The following CNNM3 variants were observed in gnomAD, a reference collection of about 807,000 sequenced individuals.
CNNM3 encodes cyclin and CBS domain divalent metal cation transport mediator 3, also known as metal transporter CNNM3.
Under a neutral mutation model 57.1 loss-of-function variants are expected in CNNM3, and 47 were observed. The ratio of observed to expected loss-of-function variants is 0.82; its 90% CI spans 0.65 to 1.05. The LOEUF is 1.05. Among genes scored for constraint, CNNM3 ranks in the 50% least tolerant of loss-of-function variants. The probability of loss-of-function intolerance (pLI) is 0.00; values close to 1 mark genes in which losing one functional copy is unlikely to be tolerated. For missense variants in CNNM3, 957 were observed against 973.7 expected (o/e 0.98, Z 0.23); for synonymous variants, 507 against 478.2 (o/e 1.06, Z -0.79).
intron 1 of CNNM3, among the ~76,000 whole-genome samples, chr2:96,819,212 G>T (rs758068183): frequency 6.6e-6 from 1 of 152,176 alleles, no homozygotes; most frequent in Non-Finnish European, 1.5e-5. Context: ...ACAGAGCCTC[G>T]CGGTGGTAAG....
In CNNM3 at chr2:96,833,886, G is replaced by C. The variant is rs2079646251; in HGVS notation, c.*1270G>C. The C allele has an allele frequency of 6.6e-6, 1 of 152,238 alleles. No individual in the cohort carries two copies. The highest frequency in any genetic ancestry group is 1.5e-5 in the Non-Finnish European group (1 of 68,052). The allele number at this position is 152,238 out of a possible 1,614,324, so 9.4% of individuals were successfully genotyped here. A position where few individuals can be genotyped will look rare whatever the true frequency, so the allele number is the denominator to read the frequency against. ...TGAGAGCAAGCCCGGGTTGGAAACA[G>C]ATGCTTTAAAATCCTCTCTCCAGAA... On this transcript the variant is annotated 3_prime_UTR_variant, in exon 8 of 8. Transcript: ENST00000305510.
At chr2:96,821,869 T>C (rs2079411730) in intron 1 of CNNM3, among the ~76,000 whole-genome samples, 1 of 152,222 alleles carries the variant, frequency 6.6e-6, no homozygotes, top group Non-Finnish European at 1.5e-5. Flanking sequence ...GAAAACAGAA[T>C]GGTTATATGT....
chr2:96,828,737 C>A, intron 6 of CNNM3, 37 bp downstream of exon 6: 1 of 1,612,312 alleles, frequency 6.2e-7, no homozygotes, highest in Non-Finnish European at 8.5e-7. Flanking sequence ...CTGGCTTTAG[C>A]CGACTTTGTG....
At chr2:96,831,406 A>C (rs2079600597) in intron 7 of CNNM3, among the ~76,000 whole-genome samples, 1 of 152,230 alleles carries the variant, frequency 6.6e-6, no homozygotes, top group African/African-American at 2.4e-5. Context: ...CTAGACGCCC[A>C]GCAGAGAAGT....
At position 96,826,889 on chromosome 2, in the gene CNNM3, G is replaced by A. The variant is rs2153355176; in HGVS notation, c.1426G>A (p.Glu476Lys). 1.2e-6 allele frequency: 2 copies of A among 1,614,226 alleles called. No homozygotes were observed. The highest frequency in any genetic ancestry group is 4.5e-5 in the East Asian group (2 of 44,884). ...ASLMAPLKRK[E>K]EFSLFKVSDD... ...TCTGATGGCCCCTCTGAAGCGGAAG[G>A]AGGAGTTCTCCTTGTTCAAGGTGTC... Residue 476 changes from glutamate to lysine, a missense_variant, in exon 3 of 8, where the codon GAG becomes AAG. Coordinates refer to ENST00000305510, the MANE Select transcript of CNNM3 (RefSeq NM_017623.5).
intron 6 of CNNM3, 74 bp downstream of exon 6, chr2:96,828,774 G>T (rs1395748199): frequency 6.3e-7 from 1 of 1,588,154 alleles, no homozygotes; most frequent in East Asian, 2.2e-5. Context: ...CAGCTGGTCT[G>T]AGACTGCCCG....
intron 1 of CNNM3, 42 bp downstream of exon 1, chr2:96,817,544 C>A: frequency 1.9e-6 from 3 of 1,558,138 alleles, no homozygotes; most frequent in Non-Finnish European, 2.6e-6. Context: ...CGTGCGAGTG[C>A]CCTCTCCCTG....
chr2:96,832,190 G>A (rs548763477), intron 7 of CNNM3: 27 of 1,030,298 alleles, frequency 2.6e-5, no homozygotes, highest in Admixed American at 5.5e-5. Context: ...TGGGGTGGGC[G>A]CTCCCTTCCA....
In CNNM3 at chr2:96,816,547, G is replaced by T. The variant is rs956425092; in HGVS notation, c.270G>T (p.Ala90=). Residue 90 remains alanine, a synonymous_variant, in exon 1 of 8, where the codon GCG becomes GCT. Coordinates refer to ENST00000305510, the MANE Select transcript of CNNM3 (RefSeq NM_017623.5). The part of the protein sequence containing the change: ...APEGAGCREE[A]ASPAGEWRAL... ...AGGGGGCGGGCTGCCGGGAGGAGGC[G>T]GCCTCCCCCGCGGGCGAGTGGCGCG... is the stretch of plus-strand genomic sequence containing the variant. 4 of 1,329,814 alleles carry T rather than the reference G, an allele frequency of 3.0e-6. No individual in the cohort carries two copies. The highest frequency in any genetic ancestry group is 3.8e-6 in the Non-Finnish European group (4 of 1,042,844). 82.4% of individuals were successfully genotyped at this position (1,329,814 alleles called of 1,614,324 possible).
At chr2:96,835,521 T>A (rs1177208056), downstream of CNNM3, among the ~76,000 whole-genome samples, 11 of 150,304 alleles carry the variant, frequency 7.3e-5, no homozygotes, top group Non-Finnish European at 1.6e-4. Context: ...CAGGCTGGAG[T>A]GCAGTGGCGC....
chr2:96,836,366 C>T (rs916232079), downstream of CNNM3, among the ~76,000 whole-genome samples: 3 of 151,898 alleles, frequency 2.0e-5, no homozygotes, highest in East Asian at 1.9e-4. Context: ...CTCAGCCTCC[C>T]GAGTAGCTGG....
intron 1 of CNNM3, among the ~76,000 whole-genome samples, chr2:96,822,118 T>A (rs1267511610): frequency 6.6e-6 from 1 of 151,968 alleles, no homozygotes; most frequent in East Asian, 1.9e-4. Context: ...TTCTTCTGCC[T>A]CAGCCTCCTG....
chr2:96,831,074 G>A (rs1244968035), intron 7 of CNNM3, among the ~76,000 whole-genome samples: 1 of 152,176 alleles, frequency 6.6e-6, no homozygotes, highest in African/African-American at 2.4e-5. Context: ...CTGCACACCC[G>A]GAGATTTTTA....
At position 96,828,983 on chromosome 2, in the gene CNNM3, T is replaced by C; in HGVS notation, c.1921-13T>C. ...TTCACCAATTGGGTCCCAGTAACGC[T>C]GTCATCCTCCAGGTTACGCGACTGC... is the stretch of plus-strand genomic sequence containing the variant. On this transcript the variant is annotated splice_polypyrimidine_tract_variant and intron_variant, in intron 6 of 7. Transcript: ENST00000305510. 1 of 1,612,996 alleles carries C rather than the reference T, an allele frequency of 6.2e-7. No homozygotes were observed. The highest frequency in any genetic ancestry group is 8.5e-7 in the Non-Finnish European group (1 of 1,179,106).
chr2:96,828,948 T>A, intron 6 of CNNM3, 48 bp from the exon 7 acceptor site: 1 of 1,603,392 alleles, frequency 6.2e-7, no homozygotes, highest in Non-Finnish European at 8.5e-7. Flanking sequence ...GCCTACCTTC[T>A]GCATCTCGCT....
chr2:96,817,062 C>T lies in CNNM3; in HGVS notation c.785C>T (p.Ala262Val). ...APRALGLSRLAVLLTLPVALP... is the reference protein window; with the variant it reads ...APRALGLSRLVVLLTLPVALP... The stretch of plus-strand genomic sequence containing the variant: ...CGAGCGCTCGGCCTCAGCCGCCTGG[C>T]CGTCCTGCTCACTCTGCCCGTCGCG... Residue 262 changes from alanine to valine, a missense_variant, in exon 1 of 8, where the codon GCC (alanine) becomes GTC (valine). By Grantham distance (64) the Ala-to-Val change is moderately conservative. Transcript: ENST00000305510. 29 of 1,353,882 alleles carry T rather than the reference C, an allele frequency of 2.1e-5. No homozygotes were observed. Among genetic ancestry groups the T allele is most frequent in the Non-Finnish European group, 2.7e-5 (29 of 1,054,958 alleles). 83.9% of individuals were successfully genotyped at this position (1,353,882 alleles called of 1,614,324 possible). A position where few individuals can be genotyped will look rare whatever the true frequency, so the allele number is the denominator to read the frequency against.
Position 96,833,494 on chromosome 2 carries a change from G to T in CNNM3, c.*878G>T. On this transcript the variant is annotated 3_prime_UTR_variant, in exon 8 of 8. Transcript: ENST00000305510. ...CTCCCTGCAGGTGCTGTGTGGCCGT[G>T]ATGTGCAGAGAGCAGTGAGGGAGGG... is the stretch of plus-strand genomic sequence containing the variant. The T allele has an allele frequency of 6.1e-6, 1 of 163,862 alleles. No homozygotes were observed. The allele number at this position is 163,862 out of a possible 1,614,324, so 10.2% of individuals were successfully genotyped here.
At chr2:96,826,521 A>G (rs183115122) in intron 2 of CNNM3, among the ~76,000 whole-genome samples, 1 of 152,176 alleles carries the variant, frequency 6.6e-6, no homozygotes, top group East Asian at 1.9e-4. Context: ...GCCTAAATTT[A>G]AAAAAGTTTT....
In CNNM3 at chr2:96,834,786, A is replaced by G. The variant is rs961119231; in HGVS notation, c.*2170A>G. Among the ~76,000 whole-genome samples the G allele has an allele frequency of 3.3e-5, 5 of 152,094 alleles. No homozygotes were observed. Among genetic ancestry groups the G allele is most frequent in the Non-Finnish European group, 2.9e-5 (2 of 68,018 alleles). On this transcript the variant is annotated 3_prime_UTR_variant, in exon 8 of 8. Coordinates refer to ENST00000305510, the MANE Select transcript of CNNM3 (RefSeq NM_017623.5). ...TATTTGGATTTTACCATTTTTCCCA[A>G]TGTCCCTTTTCTGCTGCAGCAGCCA...
Sources: gnomAD v4.1 joint callset for allele counts (sites outside exome capture counted in the v4.1 genomes callset) on GRCh38, gnomAD v4.1.1 for gene constraint, MANE v1.5 for transcripts, NCBI Gene and HGNC (gene_info 2026-07-23, HGNC 2026-07-21) for gene names.